Variants in PCDHA4 observed in about 807,000 individuals in gnomAD.
PCDHA4 encodes the protein protocadherin alpha 4.
PCDHA4 carries 49 observed loss-of-function variants against 61.4 expected under a neutral mutation model. That is an observed-to-expected ratio of 0.80 (90% CI 0.63 to 1.01). PCDHA4 has a LOEUF of 1.01. Among genes scored for constraint, PCDHA4 ranks in the 50% least tolerant of loss-of-function variants. The probability of loss-of-function intolerance (pLI) is 0.00; values close to 1 mark genes in which losing one functional copy is unlikely to be tolerated. For synonymous variants in PCDHA4, 590 were observed against 550.3 expected, an observed-to-expected ratio of 1.07 and a Z score of -1.01; for missense variants, 1,254 against 1,235.8, an observed-to-expected ratio of 1.01 and a Z score of -0.22.
At chr5:140,918,928 C>A (rs2078929450) in intron 1 of PCDHA4, among the ~76,000 whole-genome samples, 1 of 152,172 alleles carries the variant, frequency 6.6e-6, no homozygotes, top group South Asian at 2.1e-4. Context: ...CAGCATATGG[C>A]ATTTTGTTAT....
chr5:140,949,779 T>A (rs1414817850), intron 1 of PCDHA4, among the ~76,000 whole-genome samples: 1 of 151,898 alleles, frequency 6.6e-6, no homozygotes, highest in East Asian at 1.9e-4. Context: ...ATTTGATATG[T>A]TTAGATTTGT....
At chr5:140,898,899 C>A (rs1457821018) in intron 1 of PCDHA4, among the ~76,000 whole-genome samples, 2 of 152,072 alleles carry the variant, frequency 1.3e-5, no homozygotes, top group Non-Finnish European at 2.9e-5. Context: ...TTGAAGAGGT[C>A]CTTCACGTCC....
rs782039700 is a variant in PCDHA4 at position 140,807,983 on chromosome 5, G to A, written c.796G>A (p.Ala266Thr). ...PNGTLVIKLN[A>T]SDLDEGLNGD... The stretch of plus-strand genomic sequence containing the variant: ...TGGAACATTGGTAATTAAACTTAAC[G>A]CCTCAGATTTAGACGAAGGATTGAA... Residue 266 changes from alanine to threonine, a missense_variant, in exon 1 of 4, where the codon GCC becomes ACC. Coordinates refer to ENST00000530339, the MANE Select transcript of PCDHA4 (RefSeq NM_018907.4). 1.9e-6 allele frequency: 3 copies of A among 1,613,482 alleles called. No homozygotes were observed. The highest frequency in any genetic ancestry group is 2.2e-5 in the East Asian group (1 of 44,880).
intron 1 of PCDHA4, among the ~76,000 whole-genome samples, chr5:140,907,411 G>A (rs1053744231): frequency 8.5e-5 from 13 of 152,192 alleles, no homozygotes; most frequent in Admixed American, 2.6e-4. Flanking sequence ...GGAATACCAC[G>A]ATGGTGGATA....
chr5:140,841,793 T>G (rs1777495976), intron 1 of PCDHA4: 1 of 1,613,848 alleles, frequency 6.2e-7, no homozygotes. Flanking sequence ...AGAGGGCGCG[T>G]CCGATGCAGA....
chr5:140,867,619 C>T (rs1554161426), intron 1 of PCDHA4: 3 of 152,174 alleles, frequency 2.0e-5, no homozygotes, highest in South Asian at 4.1e-4. Flanking sequence ...AACTATAGAA[C>T]AAAATATTTA....
chr5:140,863,062 G>C (rs62384481), intron 1 of PCDHA4: 2 of 565,590 alleles, frequency 3.5e-6, no homozygotes, highest in African/African-American at 3.8e-5. Flanking sequence ...CCCGTTCCAC[G>C]TGGGGCTCTG....
Position 140,998,902 on chromosome 5 carries a change from C to T in PCDHA4, c.2534-10725C>T, listed in dbSNP as rs148715237. On this transcript the variant is annotated intron_variant, in intron 3 of 3. Coordinates refer to ENST00000530339, the MANE Select transcript of PCDHA4 (RefSeq NM_018907.4). ...TTAGTTGAATAAATAACAATGCCTC[C>T]GGGAGGTAGCTATTATATCCATTTT... Among the ~76,000 whole-genome samples the T allele has an allele frequency of 4.2e-3, 632 of 152,216 alleles. 5 individuals are homozygous for T. Among genetic ancestry groups the T allele is most frequent in the African/African-American group, 0.014 (572 of 41,540 alleles).
At chr5:140,878,575 C>T (rs1339417321) in intron 1 of PCDHA4, among the ~76,000 whole-genome samples, 1 of 152,222 alleles carries the variant, frequency 6.6e-6, no homozygotes, top group African/African-American at 2.4e-5. Context: ...TAGTATACCA[C>T]TGCCCTGTGC....
At chr5:141,007,974 A>G (rs2098354254) in intron 3 of PCDHA4, among the ~76,000 whole-genome samples, 1 of 152,220 alleles carries the variant, frequency 6.6e-6, no homozygotes, top group Non-Finnish European at 1.5e-5. Flanking sequence ...GGTGTCTGTC[A>G]TGTATATATG....
intron 1 of PCDHA4, chr5:140,829,368 C>A (rs2150166554): frequency 1.2e-6 from 2 of 1,614,092 alleles, no homozygotes; most frequent in African/African-American, 2.7e-5. Context: ...TTGGTGGTAA[C>A]CGCGCGGGAC....
At chr5:140,944,051 C>G (rs1383787401) in intron 1 of PCDHA4, among the ~76,000 whole-genome samples, 1 of 152,086 alleles carries the variant, frequency 6.6e-6, no homozygotes, top group East Asian at 1.9e-4. Context: ...GATTGGGATA[C>G]AAAAAGGTTT....
At chr5:140,840,903 C>A (rs933771737) in intron 1 of PCDHA4, among the ~76,000 whole-genome samples, 3 of 151,914 alleles carry the variant, frequency 2.0e-5, no homozygotes, top group Admixed American at 6.6e-5. Context: ...ACATACAGGT[C>A]ATACTTAAAT....
rs1362509837 is a variant in PCDHA4, at chr5:140,884,388, T to A, written c.2385+74816T>A. On this transcript the variant is annotated intron_variant, in intron 1 of 3. Transcript: ENST00000530339. ...TACTTGATCATTGCCATCTGCGCGG[T>A]GTCCAGCCTGTTGGTGCTCACGTTG... 3 of 1,613,960 alleles carry A rather than the reference T, an allele frequency of 1.9e-6. No individual in the cohort carries two copies. In the Admixed American group the frequency reaches 5.0e-5, roughly 27 times the overall value.
intron 1 of PCDHA4, chr5:140,927,088 T>C (rs1554204002): frequency 6.2e-7 from 1 of 1,612,662 alleles, no homozygotes; most frequent in Admixed American, 1.7e-5. Context: ...CGAGCTCTAC[T>C]TCGGGGTGGA....
chr5:140,882,708 C>T, intron 1 of PCDHA4: 2 of 1,614,174 alleles, frequency 1.2e-6, no homozygotes, highest in Non-Finnish European at 1.7e-6. Flanking sequence ...GAATCTAGAC[C>T]TCCGGAAACT....
chr5:140,851,949 A>T, intron 1 of PCDHA4: 1 of 974,358 alleles, frequency 1.0e-6, no homozygotes, highest in Non-Finnish European at 1.2e-6. Context: ...TGTGACTTTC[A>T]AAATGGTGGT....
At chr5:140,850,650 A>G in intron 1 of PCDHA4, 1 of 1,598,426 alleles carries the variant, frequency 6.3e-7, no homozygotes, top group Non-Finnish European at 8.6e-7. Context: ...GCTGCTGTAC[A>G]CTGTGCTGCG....
At chr5:140,907,975 G>A (rs1242073777) in intron 1 of PCDHA4, among the ~76,000 whole-genome samples, 1 of 152,154 alleles carries the variant, frequency 6.6e-6, no homozygotes, top group Non-Finnish European at 1.5e-5. Flanking sequence ...TTCCAATCAT[G>A]CTTCTTCCAA....
Sources: allele counts gnomAD v4.1 joint callset (sites outside exome capture counted in the v4.1 genomes callset), GRCh38; gene constraint gnomAD v4.1.1; transcripts MANE v1.5; gene names NCBI Gene and HGNC (gene_info 2026-07-23, HGNC 2026-07-21).